The following PCDH15 variants were observed in gnomAD, a reference collection of about 807,000 sequenced individuals.
The protein encoded by PCDH15 is protocadherin related 15.
A neutral mutation model predicts 178.5 loss-of-function variants in PCDH15; 129 were observed. The ratio of observed to expected loss-of-function variants is 0.72; its 90% CI spans 0.63 to 0.84. The LOEUF is 0.84. PCDH15 is among the 40% of genes least tolerant of loss of function. The probability of loss-of-function intolerance (pLI) is 0.00; values close to 1 mark genes in which losing one functional copy is unlikely to be tolerated. For synonymous variants in PCDH15, 800 were observed against 732.0 expected (o/e 1.09, Z -1.50); for missense variants, 2,230 against 2,099.9 (o/e 1.06, Z -1.21).
At chr10:54,446,228 T>C (rs1230259041) in intron 3 of PCDH15, among the ~76,000 whole-genome samples, 1 of 151,700 alleles carries the variant, frequency 6.6e-6, no homozygotes, top group African/African-American at 2.4e-5. Flanking sequence ...AGTTTTCTTG[T>C]AGAGAAATTT....
intron 10 of PCDH15, among the ~76,000 whole-genome samples, chr10:54,208,417 TTAG>T (rs1564685583): frequency 1.3e-5 from 2 of 151,986 alleles, no homozygotes; most frequent in African/African-American, 4.8e-5. Context: ...TGTAATGCAA[TTAG>T]GAGAGGTAAT....
At chr10:54,524,473 A>G (rs1008900891) in intron 3 of PCDH15, among the ~76,000 whole-genome samples, 2 of 152,168 alleles carry the variant, frequency 1.3e-5, no homozygotes, top group African/African-American at 4.8e-5. Context: ...TTTAATGTCA[A>G]TCTATAGTTG....
At position 54,902,777 on chromosome 10, in the gene PCDH15, T is replaced by A. The variant is rs556785041; in HGVS notation, c.-79-5277A>T. ...GCTCTAGATAAATAAATTCATGGAA[T>A]GTTTGTACCTTGGTTGCATCTTCTC... is the stretch of plus-strand genomic sequence containing the variant. On this transcript the variant is annotated intron_variant, in intron 2 of 5. Coordinates refer to the PCDH15 transcript ENST00000458638. 7.2e-5 allele frequency among the ~76,000 whole-genome samples: 11 copies of A among 152,278 alleles called. No individual in the cohort carries two copies. The East Asian group carries it at 1.9e-3, about 27-fold the overall frequency.
chr10:54,679,209 AAAC>A (rs1175191729), intron 1 of PCDH15, among the ~76,000 whole-genome samples: 2 of 151,882 alleles, frequency 1.3e-5, no homozygotes, highest in Admixed American at 6.6e-5. Flanking sequence ...AAAAAAAAAA[AAAC>A]ATACAATTGA....
At chr10:54,757,698 A>G (rs1413918621) in intron 1 of PCDH15, among the ~76,000 whole-genome samples, 1 of 152,152 alleles carries the variant, frequency 6.6e-6, no homozygotes, top group African/African-American at 2.4e-5. Flanking sequence ...AATAAGACCA[A>G]TTAGATTATT....
rs1460323874 is a variant in PCDH15 at position 53,802,956 on chromosome 10, G to A, written c.*3623C>T. 3.3e-5 allele frequency: 5 copies of A among 151,628 alleles called. No individual in the cohort carries two copies. The highest frequency in any genetic ancestry group is 2.1e-4 in the South Asian group (1 of 4,822). The allele number at this position is 151,628 out of a possible 1,614,324, so 9.4% of individuals were successfully genotyped here. ...ATTTTTCAAACTATAGACAATGTTC[G>A]AATCTTCCATACATGTGCTTAACTG... is the stretch of plus-strand genomic sequence containing the variant. On this transcript the variant is annotated 3_prime_UTR_variant, in exon 38 of 38. Transcript: ENST00000644397.
intron 2 of PCDH15, among the ~76,000 whole-genome samples, chr10:55,369,010 CAAA>C (rs60906060): frequency 1.5e-4 from 13 of 86,176 alleles, no homozygotes; most frequent in African/African-American, 3.5e-4. Flanking sequence ...TTTTTGGGAC[CAAA>C]AAAAAAAAAA....
chr10:54,894,510 T>C (rs966092787), intron 3 of PCDH15, among the ~76,000 whole-genome samples: 1 of 152,056 alleles, frequency 6.6e-6, no homozygotes, highest in Non-Finnish European at 1.5e-5. Context: ...GATACAAAAT[T>C]AAGAGGTTAT....
intron 2 of PCDH15, among the ~76,000 whole-genome samples, chr10:55,114,297 G>A (rs1202537362): frequency 6.6e-6 from 1 of 152,154 alleles, no homozygotes; most frequent in African/African-American, 2.4e-5. Context: ...CCAATTGCTA[G>A]CCTTTGACTA....
At chr10:54,784,547 T>C (rs576401591) in intron 1 of PCDH15, among the ~76,000 whole-genome samples, 2 of 152,014 alleles carry the variant, frequency 1.3e-5, no homozygotes, top group African/African-American at 2.4e-5. Context: ...CTTTCCTATA[T>C]GGACAAAAAC....
chr10:54,784,965 T>G (rs1950705832), intron 1 of PCDH15, among the ~76,000 whole-genome samples: 1 of 151,914 alleles, frequency 6.6e-6, no homozygotes, highest in Non-Finnish European at 1.5e-5. Flanking sequence ...TTCATTTCCA[T>G]CATGTCAGTC....
intron 6 of PCDH15, among the ~76,000 whole-genome samples, chr10:54,339,205 A>G (rs1187328640): frequency 6.6e-6 from 1 of 152,194 alleles, no homozygotes; most frequent in Non-Finnish European, 1.5e-5. Context: ...TTATCAGCTC[A>G]TCAGCTGTCA....
At chr10:54,209,610 T>C (rs543306485) in intron 10 of PCDH15, among the ~76,000 whole-genome samples, 3 of 152,230 alleles carry the variant, frequency 2.0e-5, no homozygotes, top group East Asian at 3.9e-4. Context: ...TAGTTTGCTA[T>C]ATTTTTAATT....
At chr10:54,148,456 G>C (rs1253753820) in intron 14 of PCDH15, among the ~76,000 whole-genome samples, 1 of 152,012 alleles carries the variant, frequency 6.6e-6, no homozygotes, top group Non-Finnish European at 1.5e-5. Context: ...GCTAATAGTT[G>C]TTATACTGTA....
In PCDH15 at chr10:53,806,537, A is replaced by G. The variant is rs1442851786; in HGVS notation, c.*42T>C. ...ACAATAAAAAGCACAGTTTATTAAA[A>G]ATGTAAGTAAAAATTAATTAAAATA... On this transcript the variant is annotated 3_prime_UTR_variant, in exon 38 of 38. Transcript: ENST00000644397. 3.9e-5 allele frequency: 56 copies of G among 1,434,608 alleles called. No homozygotes were observed. The highest frequency in any genetic ancestry group is 5.3e-5 in the Non-Finnish European group (56 of 1,060,702). 88.9% of individuals were successfully genotyped at this position (1,434,608 alleles called of 1,614,324 possible). A position where few individuals can be genotyped will look rare whatever the true frequency, so the allele number is the denominator to read the frequency against.
At chr10:54,661,029 A>C (rs1307938782) in intron 2 of PCDH15, among the ~76,000 whole-genome samples, 1 of 151,906 alleles carries the variant, frequency 6.6e-6, no homozygotes, top group Non-Finnish European at 1.5e-5. Context: ...CTGTAACAAG[A>C]CAAGGATGGC....
chr10:54,408,165 T>TA (rs201515436), intron 3 of PCDH15, among the ~76,000 whole-genome samples: 2,796 of 150,552 alleles, frequency 0.019, 92 homozygotes, highest in African/African-American at 0.064. Flanking sequence ...AGCTGTTTTT[T>TA]TAAAAAAAAA....
chr10:54,853,049 T>C (rs1226442169), intron 3 of PCDH15, among the ~76,000 whole-genome samples: 2 of 150,434 alleles, frequency 1.3e-5, no homozygotes, highest in East Asian at 3.9e-4. Context: ...TCACCCGAGG[T>C]TGGGAGTTAG....
chr10:54,085,767 C>T (rs1257204462), intron 16 of PCDH15, among the ~76,000 whole-genome samples: 2 of 152,002 alleles, frequency 1.3e-5, no homozygotes, highest in African/African-American at 2.4e-5. Context: ...CTTTGTAAAA[C>T]CCTACTGACA....
Sources: allele counts gnomAD v4.1 joint callset (sites outside exome capture counted in the v4.1 genomes callset), GRCh38; gene constraint gnomAD v4.1.1; transcripts MANE v1.5; gene names NCBI Gene and HGNC (gene_info 2026-07-23, HGNC 2026-07-21).